Variants in BRINP3 observed in about 807,000 individuals in gnomAD.
BRINP3 encodes BMP/retinoic acid-inducible neural-specific protein 3.
A neutral mutation model predicts 71.0 loss-of-function variants in BRINP3; 19 were observed. The observed-to-expected ratio is 0.27, with a 90% CI of 0.19 to 0.39. The LOEUF is 0.39. Ranked by LOEUF, BRINP3 falls within the 10% of genes least tolerant of loss-of-function variation. The pLI is 1.00. For synonymous variants in BRINP3, 380 were observed against 337.7 expected (o/e 1.13, Z -1.37); for missense variants, 959 against 940.8 (o/e 1.02, Z -0.25).
At chr1:190,185,340 T>C (rs1224333037) in intron 6 of BRINP3, among the ~76,000 whole-genome samples, 3 of 152,024 alleles carry the variant, frequency 2.0e-5, no homozygotes, top group Non-Finnish European at 4.4e-5. Flanking sequence ...CCAACAGGTT[T>C]ATAAAAAATG....
intron 2 of BRINP3, among the ~76,000 whole-genome samples, chr1:190,383,057 C>T (rs148482657): frequency 6.6e-6 from 1 of 152,022 alleles, no homozygotes; most frequent in South Asian, 2.1e-4. Context: ...AAAGGAGGCC[C>T]TTGAAATTAG....
chr1:190,334,763 G>C (rs1421339886), intron 2 of BRINP3, among the ~76,000 whole-genome samples: 2 of 151,650 alleles, frequency 1.3e-5, no homozygotes, highest in African/African-American at 4.8e-5. Flanking sequence ...TAGATTGCAG[G>C]GTATTGAAAT....
At chr1:190,111,280 C>T (rs1160796476) in intron 7 of BRINP3, among the ~76,000 whole-genome samples, 3 of 143,408 alleles carry the variant, frequency 2.1e-5, no homozygotes, top group African/African-American at 7.8e-5. Context: ...CTTATTTAAA[C>T]AGTTTACTCA....
At chr1:190,365,069 C>G (rs1299759334) in intron 2 of BRINP3, among the ~76,000 whole-genome samples, 1 of 152,068 alleles carries the variant, frequency 6.6e-6, no homozygotes, top group East Asian at 1.9e-4. Flanking sequence ...ATCAAATATG[C>G]CTTGTGAAAT....
At chr1:190,426,843 G>C (rs529798729) in intron 2 of BRINP3, among the ~76,000 whole-genome samples, 1 of 151,696 alleles carries the variant, frequency 6.6e-6, no homozygotes, top group Non-Finnish European at 1.5e-5. Flanking sequence ...ACATTATTTT[G>C]TAAGCAAGTT....
At chr1:190,421,740 C>A (rs1673401773) in intron 2 of BRINP3, among the ~76,000 whole-genome samples, 1 of 151,748 alleles carries the variant, frequency 6.6e-6, no homozygotes, top group African/African-American at 2.4e-5. Flanking sequence ...AATTTTTTAA[C>A]TTCACGAGTT....
chr1:190,349,528 G>A (rs1388147020), intron 2 of BRINP3, among the ~76,000 whole-genome samples: 1 of 152,030 alleles, frequency 6.6e-6, no homozygotes, highest in African/African-American at 2.4e-5. Flanking sequence ...AGTCATTTAG[G>A]AAAGATCAAA....
rs376899135 is a variant in BRINP3 at position 190,320,964 on chromosome 1, TAC to T, written c.237-39216_237-39215del. Among the ~76,000 whole-genome samples the T allele has an allele frequency of 7.8e-4, 118 of 151,150 alleles. 2 individuals are homozygous for T. The highest frequency in any genetic ancestry group is 1.2e-3 in the African/African-American group (48 of 41,012). On this transcript the variant is annotated intron_variant, in intron 2 of 7. Transcript: ENST00000367462. ...TATATGTATATATGTTATATATATA[TAC>T]ACACACACACACGTATGTATATGTC...
intron 2 of BRINP3, among the ~76,000 whole-genome samples, chr1:190,282,621 T>C (rs956289434): frequency 6.6e-6 from 1 of 152,000 alleles, no homozygotes; most frequent in African/African-American, 2.4e-5. Context: ...TTTATACACA[T>C]GTGCAATCTT....
At chr1:190,205,279 A>G (rs1162638458) in intron 6 of BRINP3, among the ~76,000 whole-genome samples, 1 of 151,386 alleles carries the variant, frequency 6.6e-6, no homozygotes, top group Non-Finnish European at 1.5e-5. Flanking sequence ...GAATCTTCGC[A>G]AGCCAGTAAG....
chr1:190,418,406 C>T lies in BRINP3; in HGVS notation c.236+36249G>A, dbSNP rs116340959. On this transcript the variant is annotated intron_variant, in intron 2 of 7. Transcript: ENST00000367462. ...CAATGTCACATTACGTTTGTGACCC[C>T]GTATTCCAAATATTTTCTATTCTAT... 1.7e-3 allele frequency among the ~76,000 whole-genome samples: 266 copies of T among 152,040 alleles called. 1 individual carries two copies. The highest frequency in any genetic ancestry group is 5.6e-3 in the African/African-American group (232 of 41,474).
At chr1:190,362,142 C>T (rs970662423) in intron 2 of BRINP3, 13 of 152,154 alleles carry the variant, frequency 8.5e-5, no homozygotes, top group Non-Finnish European at 1.5e-4. Flanking sequence ...CATGCTGGTA[C>T]CCTAATCTCA....
At chr1:190,242,923 T>C (rs192929572) in intron 4 of BRINP3, among the ~76,000 whole-genome samples, 4 of 152,238 alleles carry the variant, frequency 2.6e-5, no homozygotes, top group Admixed American at 2.6e-4. Context: ...AGTAATTGCT[T>C]CAGTGCAGTT....
intron 1 of BRINP3, among the ~76,000 whole-genome samples, chr1:190,464,123 G>C (rs147515192): frequency 6.7e-6 from 1 of 148,470 alleles, no homozygotes. Context: ...CAAAAATTAC[G>C]TCTTTCAAAA....
At chr1:190,114,461 A>G (rs1295514020) in intron 7 of BRINP3, among the ~76,000 whole-genome samples, 1 of 152,020 alleles carries the variant, frequency 6.6e-6, no homozygotes, top group Non-Finnish European at 1.5e-5. Flanking sequence ...ACTTTATAGT[A>G]GTATTATCCA....
At chr1:190,415,091 A>G (rs1456466864) in intron 2 of BRINP3, among the ~76,000 whole-genome samples, 1 of 152,182 alleles carries the variant, frequency 6.6e-6, no homozygotes, top group African/African-American at 2.4e-5. Context: ...ACTTTTAATC[A>G]AAATTCATGT....
At chr1:190,178,333 AT>A (rs1046433550) in intron 6 of BRINP3, among the ~76,000 whole-genome samples, 1 of 151,986 alleles carries the variant, frequency 6.6e-6, no homozygotes, top group African/African-American at 2.4e-5. Context: ...CCCTTTCAAT[AT>A]ATGTTGATTT....
chr1:190,182,512 A>G (rs1047572207), intron 6 of BRINP3, among the ~76,000 whole-genome samples: 2 of 151,898 alleles, frequency 1.3e-5, no homozygotes, highest in African/African-American at 4.8e-5. Flanking sequence ...TTTTACTTTT[A>G]CCATCTCAAT....
chr1:190,473,840 C>T (rs868642572), intron 1 of BRINP3, among the ~76,000 whole-genome samples: 2 of 150,682 alleles, frequency 1.3e-5, no homozygotes, highest in South Asian at 2.1e-4. Flanking sequence ...TGGGGTTGTA[C>T]GCTACACTGC....
Sources: gnomAD v4.1 joint callset for allele counts (sites outside exome capture counted in the v4.1 genomes callset) on GRCh38, gnomAD v4.1.1 for gene constraint, MANE v1.5 for transcripts, NCBI Gene and HGNC (gene_info 2026-07-23, HGNC 2026-07-21) for gene names.